Variants in MROH2B observed in about 807,000 individuals in gnomAD.
The protein encoded by MROH2B is maestro heat-like repeat-containing protein family member 2B.
MROH2B carries 177 observed loss-of-function variants against 208.6 expected under a neutral mutation model. That is an observed-to-expected ratio of 0.85 (90% confidence interval 0.75 to 0.96). MROH2B has a LOEUF of 0.96. MROH2B is among the 40% of genes least tolerant of loss of function. The pLI, the probability that MROH2B is intolerant of heterozygous loss-of-function variation, is 0.00. For missense variants in MROH2B, 2,002 were observed against 1,878.7 expected, an observed-to-expected ratio of 1.07 and a Z score of -1.21; for synonymous variants, 728 against 659.0, an observed-to-expected ratio of 1.10 and a Z score of -1.60.
At position 41,057,407 on chromosome 5, in the gene MROH2B, A is replaced by G. The variant is rs1337191210; in HGVS notation, c.757-47T>C. ...GTTAGTTGGAGGCTGCCAGGGAAGC[A>G]GCTGCACAGGATGTGGAAGGCAAAT... On this transcript the variant is annotated intron_variant, in intron 7 of 41. Transcript: ENST00000399564. 6 of 1,411,050 alleles carry G rather than the reference A, an allele frequency of 4.3e-6. No individual in the cohort carries two copies. The Admixed American group carries it at 1.2e-4, about 29-fold the overall frequency. The allele number at this position is 1,411,050 out of a possible 1,614,324, so 87.4% of individuals were successfully genotyped here. A position where few individuals can be genotyped will look rare whatever the true frequency, so the allele number is the denominator to read the frequency against.
At position 41,009,366 on chromosome 5, in the gene MROH2B, C is replaced by T. The variant is rs748626414; in HGVS notation, c.3334G>A (p.Ala1112Thr). The T allele has an allele frequency of 1.9e-6, 3 of 1,613,710 alleles. No individual in the cohort carries two copies. The highest frequency in any genetic ancestry group is 2.7e-5 in the African/African-American group (2 of 74,930). The change falls in exon 32 of 42, where the codon GCC becomes ACC. Residue 1112 changes from alanine (A) to threonine (T), a missense_variant. Transcript: ENST00000399564. ...TLWKALAEKP[A>T]SSGKLLQALI... is the part of the protein sequence containing the mutation. ...GCTTGCAAGAGTTTCCCACTGGAGGCTGGCTTTTCAGCCAGCGCCTTCCAC... is the reference window on the plus strand; with the variant it reads ...GCTTGCAAGAGTTTCCCACTGGAGGTTGGCTTTTCAGCCAGCGCCTTCCAC...
At chr5:41,047,669 C>T (rs1743161893) in intron 17 of MROH2B, 52 bp downstream of exon 17, 4 of 1,502,258 alleles carry the variant, frequency 2.7e-6, no homozygotes, top group Admixed American at 2.0e-5. Context: ...TGGGTAACTT[C>T]AGCTGATTTC....
chr5:41,011,721 G>A (rs1240911781), intron 30 of MROH2B, among the ~76,000 whole-genome samples: 2 of 150,980 alleles, frequency 1.3e-5, no homozygotes, highest in African/African-American at 4.9e-5. Context: ...AGGCTGGAGT[G>A]CAGTTGCACA....
At chr5:41,017,682 CAGAG>C (rs1003605199) in intron 28 of MROH2B, among the ~76,000 whole-genome samples, 164 bp downstream of exon 28, 7 of 146,326 alleles carry the variant, frequency 4.8e-5, no homozygotes, top group African/African-American at 1.8e-4. Flanking sequence ...GAGAGAGAGA[CAGAG>C]AGAGATGGGG....
chr5:41,029,141 G>T (rs1742480866), intron 24 of MROH2B, among the ~76,000 whole-genome samples: 1 of 151,684 alleles, frequency 6.6e-6, no homozygotes, highest in Admixed American at 6.6e-5. Flanking sequence ...CATGTGTTAG[G>T]GTTTCTTTTT....
At chr5:41,065,279 C>A in intron 4 of MROH2B, 52 bp downstream of exon 4, 2 of 1,538,728 alleles carry the variant, frequency 1.3e-6, no homozygotes, top group South Asian at 2.5e-5. Flanking sequence ...AGCTTTTAGA[C>A]AATTAGAAGT....
chr5:41,025,607 C>A (rs1442570166), intron 24 of MROH2B, among the ~76,000 whole-genome samples: 1 of 152,098 alleles, frequency 6.6e-6, no homozygotes, highest in Admixed American at 6.6e-5. Flanking sequence ...ACCAGAGGTA[C>A]AAGGAGGAGC....
At chr5:41,050,922 T>C in intron 13 of MROH2B, 55 bp downstream of exon 13, 1 of 1,126,144 alleles carries the variant, frequency 8.9e-7, no homozygotes, top group Non-Finnish European at 1.3e-6. Context: ...TTACACAGGC[T>C]GGGCTTTAAG....
Position 41,070,887 on chromosome 5 carries a change from C to T in MROH2B, c.-35G>A. 1 of 1,604,576 alleles carries T rather than the reference C, an allele frequency of 6.2e-7. No homozygotes were observed. The highest frequency in any genetic ancestry group is 1.7e-5 in the Admixed American group (1 of 58,806). ...GTTTCAGGGTCTCTAAAAGATAGCA[C>T]CTAAGTATTAGAAATAGTAAGGCTA... On this transcript the variant is annotated 5_prime_UTR_variant, in exon 1 of 42. In the 5' UTR this introduces an upstream ATG that the reference lacks. Transcript: ENST00000399564.
intron 5 of MROH2B, among the ~76,000 whole-genome samples, chr5:41,062,351 G>A (rs1265301965): frequency 6.6e-6 from 1 of 152,090 alleles, no homozygotes; most frequent in African/African-American, 2.4e-5. Context: ...TAGGATTGTG[G>A]TTACCCTTTG....
At chr5:41,026,448 A>T (rs992114614) in intron 24 of MROH2B, among the ~76,000 whole-genome samples, 6 of 152,218 alleles carry the variant, frequency 3.9e-5, no homozygotes, top group African/African-American at 1.4e-4. Context: ...TGCTTCAAAG[A>T]GAATAAAATA....
At chr5:41,013,871 C>T (rs2111848279) in intron 29 of MROH2B, among the ~76,000 whole-genome samples, 1 of 152,362 alleles carries the variant, frequency 6.6e-6, no homozygotes, top group South Asian at 2.1e-4. Flanking sequence ...ACTCATGTCT[C>T]TGCTACAGCC....
chr5:41,052,209 G>GAA (rs3073958), intron 12 of MROH2B, among the ~76,000 whole-genome samples: 1 of 137,890 alleles, frequency 7.3e-6, no homozygotes. Flanking sequence ...GGTGATTTTA[G>GAA]AAAAAAAAAA....
chr5:41,045,862 G>A lies in MROH2B; in HGVS notation c.1729-9C>T, dbSNP rs1303565150. On this transcript the variant is annotated splice_polypyrimidine_tract_variant and intron_variant, in intron 17 of 41. Transcript: ENST00000399564. The stretch of plus-strand genomic sequence containing the variant: ...AAGGATTCTTTGAGCAACTGTTGTA[G>A]GAAGTGGAAGTTAGATGTGAATATG... The A allele has an allele frequency of 1.5e-5, 24 of 1,600,954 alleles. No individual in the cohort carries two copies. The highest frequency in any genetic ancestry group is 2.1e-5 in the Non-Finnish European group (24 of 1,170,330).
intron 5 of MROH2B, among the ~76,000 whole-genome samples, chr5:41,063,828 G>C (rs1415351280): frequency 6.6e-6 from 1 of 152,114 alleles, no homozygotes; most frequent in African/African-American, 2.4e-5. Flanking sequence ...CCTGTACACT[G>C]CAAACACTGC....
intron 21 of MROH2B, among the ~76,000 whole-genome samples, chr5:41,034,554 A>T (rs1002413259): frequency 6.6e-6 from 1 of 152,082 alleles, no homozygotes; most frequent in Non-Finnish European, 1.5e-5. Context: ...GATAACCCTT[A>T]CCATTTCATA....
At chr5:41,068,804 G>T (rs143337356) in intron 2 of MROH2B, among the ~76,000 whole-genome samples, 14 of 152,254 alleles carry the variant, frequency 9.2e-5, no homozygotes, top group African/African-American at 2.9e-4. Flanking sequence ...GTTTTCAACC[G>T]TACCTAAATG....
intron 40 of MROH2B, 145 bp from the exon 41 acceptor site, chr5:40,998,822 T>A (rs564886557): frequency 1.6e-6 from 1 of 638,938 alleles, no homozygotes; most frequent in South Asian, 2.0e-5. Context: ...TTGCACCCCC[T>A]AGAATGATGT....
At chr5:41,033,770 T>G in intron 22 of MROH2B, 68 bp downstream of exon 22, 1 of 1,280,220 alleles carries the variant, frequency 7.8e-7, no homozygotes, top group Non-Finnish European at 1.1e-6. Context: ...TTGGCACACT[T>G]CAGGGGGGCA....
Sources: allele counts gnomAD v4.1 joint callset (sites outside exome capture counted in the v4.1 genomes callset), GRCh38; gene constraint gnomAD v4.1.1; transcripts MANE v1.5; gene names NCBI Gene and HGNC (gene_info 2026-07-23, HGNC 2026-07-21).